TASP1: variants seen among roughly 807,000 people sequenced by gnomAD.
TASP1 encodes the protein taspase 1, also known as threonine aspartase 1.
Under a neutral mutation model 56.6 loss-of-function variants are expected in TASP1, and 16 were observed. The observed-to-expected ratio is 0.28, with a 90% CI of 0.19 to 0.43. The LOEUF (loss-of-function observed/expected upper bound fraction) is 0.43, where lower values mean the gene tolerates loss of function less well. TASP1 is among the 20% of genes least tolerant of loss of function. The pLI, the probability that TASP1 is intolerant of heterozygous loss-of-function variation, is 1.00. For synonymous variants in TASP1, 179 were observed against 184.2 expected (o/e 0.97, Z 0.23); for missense variants, 393 against 511.6 (o/e 0.77, Z 2.24).
chr20:13,441,230 T>C (rs2043201398), intron 11 of TASP1, among the ~76,000 whole-genome samples: 1 of 152,204 alleles, frequency 6.6e-6, no homozygotes, highest in East Asian at 1.9e-4. Context: ...CCTCCTGCTC[T>C]AGTCATTCAA....
At chr20:13,373,716 A>G in the TASP1 span, among the ~76,000 whole-genome samples, 73,144 of 151,942 alleles carry the variant, frequency 0.48, 19,223 homozygotes, top group Non-Finnish European at 0.59. Context: ...TTTCTATGAT[A>G]TGTTAAACAG....
At chr20:13,180,892 T>C in the TASP1 span, among the ~76,000 whole-genome samples, 1 of 152,198 alleles carries the variant, frequency 6.6e-6, no homozygotes, top group African/African-American at 2.4e-5. Context: ...ATCAAGTGTT[T>C]ATGGAAGGCC....
At chr20:13,559,684 G>C (rs573975453) in intron 7 of TASP1, among the ~76,000 whole-genome samples, 1 of 152,064 alleles carries the variant, frequency 6.6e-6, no homozygotes, top group Admixed American at 6.6e-5. Flanking sequence ...GATAGACCTC[G>C]AGTAGAATTC....
chr20:13,484,831 G>A (rs1228920171), intron 10 of TASP1, among the ~76,000 whole-genome samples: 1 of 151,886 alleles, frequency 6.6e-6, no homozygotes, highest in African/African-American at 2.4e-5. Flanking sequence ...TCCTTTGCAG[G>A]GACGTGGATG....
the TASP1 span, among the ~76,000 whole-genome samples, chr20:13,149,723 CT>C: frequency 6.6e-6 from 1 of 152,208 alleles, no homozygotes; most frequent in African/African-American, 2.4e-5. Context: ...TGGATATCAT[CT>C]GTTTGGTCAA....
intron 11 of TASP1, among the ~76,000 whole-genome samples, chr20:13,449,632 T>C (rs1473738091): frequency 6.6e-6 from 1 of 152,158 alleles, no homozygotes; most frequent in African/African-American, 2.4e-5. Flanking sequence ...ATTGCTGATA[T>C]TCCAGTTTCT....
the TASP1 span, among the ~76,000 whole-genome samples, chr20:13,252,035 T>G: frequency 2.0e-5 from 3 of 152,324 alleles, no homozygotes; most frequent in East Asian, 5.8e-4. Flanking sequence ...GGTTGCTACA[T>G]GAGCTTTCCA....
chr20:13,372,629 GTTA>G, the TASP1 span, among the ~76,000 whole-genome samples: 52 of 151,426 alleles, frequency 3.4e-4, no homozygotes, highest in African/African-American at 9.9e-4. Context: ...AACATCTAAT[GTTA>G]TTATTGATAT....
At chr20:13,148,400 C>T in the TASP1 span, among the ~76,000 whole-genome samples, 1 of 152,130 alleles carries the variant, frequency 6.6e-6, no homozygotes, top group African/African-American at 2.4e-5. Flanking sequence ...TAGGTACACC[C>T]TTGATTTAAC....
the TASP1 span, among the ~76,000 whole-genome samples, chr20:13,264,865 T>A: frequency 2.6e-5 from 4 of 152,130 alleles, no homozygotes; most frequent in Non-Finnish European, 5.9e-5. Flanking sequence ...CCCAAGGGCA[T>A]CCAGGGCCAG....
At chr20:13,307,034 GA>G in the TASP1 span, among the ~76,000 whole-genome samples, 1 of 152,156 alleles carries the variant, frequency 6.6e-6, no homozygotes, top group Non-Finnish European at 1.5e-5. Flanking sequence ...GAGGGAGAGA[GA>G]AAGAACAAAA....
At chr20:13,480,797 G>GTTTT (rs2043113897) in intron 11 of TASP1, among the ~76,000 whole-genome samples, 1 of 152,100 alleles carries the variant, frequency 6.6e-6, no homozygotes, top group Admixed American at 6.6e-5. Context: ...GAAAGTGAAT[G>GTTTT]TTTTTATTTT....
chr20:13,200,091 T>C, the TASP1 span, among the ~76,000 whole-genome samples: 1 of 152,192 alleles, frequency 6.6e-6, no homozygotes, highest in Non-Finnish European at 1.5e-5. Context: ...ATAGAACACT[T>C]TAAATTCACA....
chr20:13,638,765 G>C (rs1266802227), intron 1 of TASP1, 129 bp downstream of exon 1: 1 of 152,382 alleles, frequency 6.6e-6, no homozygotes, highest in Admixed American at 6.5e-5. Context: ...CCGGGGCAAG[G>C]GGTGTCCTGC....
At chr20:13,552,137 G>A (rs1370984496) in intron 8 of TASP1, among the ~76,000 whole-genome samples, 3 of 152,066 alleles carry the variant, frequency 2.0e-5, no homozygotes, top group African/African-American at 7.2e-5. Flanking sequence ...CCAGTCCCTC[G>A]ACAACATGGT....
chr20:13,413,614 G>T (rs567157799), intron 13 of TASP1, among the ~76,000 whole-genome samples: 1 of 152,248 alleles, frequency 6.6e-6, no homozygotes, highest in East Asian at 1.9e-4. Flanking sequence ...ATCCAATGCA[G>T]ACTTGGTTAT....
chr20:13,314,695 A>G, the TASP1 span, among the ~76,000 whole-genome samples: 5 of 152,148 alleles, frequency 3.3e-5, no homozygotes, highest in Admixed American at 1.3e-4. Flanking sequence ...AAAGGAGGAG[A>G]ATCAGAAAAG....
chr20:13,516,240 C>A (rs1185822130), intron 10 of TASP1, among the ~76,000 whole-genome samples: 1 of 152,066 alleles, frequency 6.6e-6, no homozygotes, highest in South Asian at 2.1e-4. Context: ...AGGTGGCAAA[C>A]CCACGAAGGC....
intron 8 of TASP1, among the ~76,000 whole-genome samples, chr20:13,557,627 C>A (rs924493730): frequency 1.5e-5 from 2 of 132,384 alleles, no homozygotes; most frequent in African/African-American, 3.0e-5. Context: ...ATCACCCAGG[C>A]TAGAGCACAG....
Sources: gnomAD v4.1 joint callset for allele counts (sites outside exome capture counted in the v4.1 genomes callset) on GRCh38, gnomAD v4.1.1 for gene constraint, MANE v1.5 for transcripts, NCBI Gene and HGNC (gene_info 2026-07-23, HGNC 2026-07-21) for gene names.